Variants in DAB1 observed in about 807,000 individuals in gnomAD.
DAB1 encodes disabled homolog 1.
DAB1 carries 15 observed loss-of-function variants against 64.6 expected under a neutral mutation model. That is an observed-to-expected ratio of 0.23 (90% CI 0.16 to 0.36). DAB1 has a LOEUF of 0.36. Among genes scored for constraint, DAB1 ranks in the 10% least tolerant of loss-of-function variants. The pLI is 1.00. For synonymous variants in DAB1, 235 were observed against 251.9 expected (o/e 0.93, Z 0.64); for missense variants, 596 against 706.7 (o/e 0.84, Z 1.78).
At position 57,448,769 on chromosome 1, in the gene DAB1, G is replaced by GAC. The variant is rs59445697; in HGVS notation, n.626-157605_626-157604dup. ...AGCAAGTGTAGCAAATAGCAATTCT[G>GAC]ACACACACACACACACACACACACA... is the stretch of plus-strand genomic sequence containing the variant. On this transcript the variant is annotated intron_variant and non_coding_transcript_variant, in intron 7 of 20. Transcript: ENST00000485760. Among the ~76,000 whole-genome samples the GAC allele has an allele frequency of 4.7e-3, 700 of 150,496 alleles. 6 individuals are homozygous for GAC. The highest frequency in any genetic ancestry group is 0.016 in the African/African-American group (672 of 40,990).
At chr1:57,220,627 T>C (rs573323657) in intron 2 of DAB1, among the ~76,000 whole-genome samples, 8 of 152,356 alleles carry the variant, frequency 5.3e-5, no homozygotes, top group African/African-American at 1.7e-4. Context: ...AAGACATTTA[T>C]GCAGCCAACA....
At chr1:57,301,847 CA>C (rs1673688851) in intron 1 of DAB1, among the ~76,000 whole-genome samples, 1 of 152,134 alleles carries the variant, frequency 6.6e-6, no homozygotes, top group Non-Finnish European at 1.5e-5. Flanking sequence ...CAGTGACCAT[CA>C]ATAGATTTCC....
intron 2 of DAB1, among the ~76,000 whole-genome samples, chr1:57,256,967 T>C (rs1456195147): frequency 1.3e-5 from 2 of 152,190 alleles, no homozygotes; most frequent in Admixed American, 1.3e-4. Flanking sequence ...ATTTATACCA[T>C]GGTTTCAGAA....
chr1:57,633,745 C>A (rs1277807515), intron 7 of DAB1, among the ~76,000 whole-genome samples: 2 of 152,158 alleles, frequency 1.3e-5, no homozygotes, highest in Non-Finnish European at 2.9e-5. Flanking sequence ...CCCTTCTCCA[C>A]TATTGAACCT....
intron 7 of DAB1, among the ~76,000 whole-genome samples, chr1:57,535,879 GA>G (rs1644721375): frequency 6.6e-6 from 1 of 152,168 alleles, no homozygotes; most frequent in Non-Finnish European, 1.5e-5. Flanking sequence ...ATCTTATGAT[GA>G]AATCCAAAAG....
intron 3 of DAB1, among the ~76,000 whole-genome samples, chr1:58,439,599 T>A (rs1644985161): frequency 6.6e-6 from 1 of 152,218 alleles, no homozygotes; most frequent in Non-Finnish European, 1.5e-5. Context: ...CCCAGCATTT[T>A]ACATGCTATT....
intron 6 of DAB1, among the ~76,000 whole-genome samples, chr1:57,744,202 C>T (rs143989588): frequency 6.5e-4 from 99 of 152,274 alleles, no homozygotes; most frequent in African/African-American, 2.3e-3. Flanking sequence ...TGGGCAACTT[C>T]GGAAGGCTGT....
At chr1:57,323,871 C>A (rs375998285) in intron 1 of DAB1, among the ~76,000 whole-genome samples, 1 of 151,674 alleles carries the variant, frequency 6.6e-6, no homozygotes, top group African/African-American at 2.4e-5. Context: ...GGAATGTTTC[C>A]GAGAGTGGTG....
At chr1:57,549,667 A>G (rs571062716) in intron 7 of DAB1, among the ~76,000 whole-genome samples, 1 of 152,304 alleles carries the variant, frequency 6.6e-6, no homozygotes, top group Admixed American at 6.5e-5. Context: ...ACATTAATAC[A>G]TCTTCTGGAA....
intron 5 of DAB1, among the ~76,000 whole-genome samples, chr1:58,014,952 T>C (rs1223023553): frequency 1.3e-5 from 2 of 152,202 alleles, no homozygotes; most frequent in Non-Finnish European, 2.9e-5. Context: ...TTTATAGCAG[T>C]TTCCAAAGGC....
At chr1:58,063,406 C>T (rs1019873112) in intron 5 of DAB1, among the ~76,000 whole-genome samples, 9 of 152,252 alleles carry the variant, frequency 5.9e-5, no homozygotes, top group Admixed American at 3.3e-4. Flanking sequence ...TTGCTCATAA[C>T]AACCTTTCAG....
intron 2 of DAB1, among the ~76,000 whole-genome samples, chr1:57,235,703 A>C (rs1056814547): frequency 2.5e-4 from 26 of 102,682 alleles, no homozygotes; most frequent in Middle Eastern, 0.01. Context: ...TCCATTCAAA[A>C]CTTTAAAAAA....
chr1:57,806,512 G>A (rs1237305507), intron 6 of DAB1, among the ~76,000 whole-genome samples: 2 of 152,116 alleles, frequency 1.3e-5, no homozygotes, highest in East Asian at 3.9e-4. Flanking sequence ...CAGAAGCTAG[G>A]GGGAAGGCCT....
chr1:57,092,497 C>G (rs1653779747), intron 4 of DAB1, among the ~76,000 whole-genome samples: 1 of 152,088 alleles, frequency 6.6e-6, no homozygotes, highest in Non-Finnish European at 1.5e-5. Flanking sequence ...GGGTTTCTCT[C>G]TTTCCTGCCA....
At chr1:57,698,440 A>G (rs1239706907) in intron 6 of DAB1, among the ~76,000 whole-genome samples, 3 of 152,104 alleles carry the variant, frequency 2.0e-5, no homozygotes, top group African/African-American at 4.8e-5. Flanking sequence ...AAGAAAAACA[A>G]CTAATGCTTT....
chr1:57,831,380 C>T (rs1281041697), intron 1 of DAB1, among the ~76,000 whole-genome samples: 2 of 152,008 alleles, frequency 1.3e-5, no homozygotes, highest in Non-Finnish European at 2.9e-5. Flanking sequence ...AAATCTTAGC[C>T]CTGAGTGTTA....
chr1:58,521,173 C>A (rs1218757075), intron 2 of DAB1, among the ~76,000 whole-genome samples: 1 of 151,980 alleles, frequency 6.6e-6, no homozygotes, highest in East Asian at 1.9e-4. Context: ...AAAAACTAAG[C>A]AATATACTTC....
At chr1:57,565,398 G>A (rs1466975821) in intron 7 of DAB1, among the ~76,000 whole-genome samples, 8 of 152,116 alleles carry the variant, frequency 5.3e-5, no homozygotes, top group Non-Finnish European at 1.2e-4. Context: ...ACATCATAAC[G>A]ACAGGATCAA....
chr1:57,321,349 G>A (rs559913492), intron 1 of DAB1, among the ~76,000 whole-genome samples: 9 of 152,190 alleles, frequency 5.9e-5, no homozygotes, highest in Middle Eastern at 3.4e-3. Flanking sequence ...AGCACCACAC[G>A]GGAAGGAGTC....
Sources: gnomAD v4.1 joint callset for allele counts (sites outside exome capture counted in the v4.1 genomes callset) on GRCh38, gnomAD v4.1.1 for gene constraint, MANE v1.5 for transcripts, NCBI Gene and HGNC (gene_info 2026-07-23, HGNC 2026-07-21) for gene names.